The following PTPRG variants were observed in gnomAD, a reference collection of about 807,000 sequenced individuals.
The protein encoded by PTPRG is protein tyrosine phosphatase receptor type G, also known as receptor-type tyrosine-protein phosphatase gamma.
PTPRG carries 102 observed loss-of-function variants against 165.3 expected under a neutral mutation model. That is an observed-to-expected ratio of 0.62 (90% CI 0.53 to 0.73). The LOEUF (loss-of-function observed/expected upper bound fraction) is 0.73. PTPRG is among the 30% of genes least tolerant of loss of function. The pLI is 0.00. For synonymous variants in PTPRG, 675 were observed against 669.5 expected (o/e 1.01, Z -0.13); for missense variants, 1,866 against 1,861.4 (o/e 1.00, Z -0.05).
chr3:61,638,111 C>T (rs984341152), intron 1 of PTPRG, among the ~76,000 whole-genome samples: 12 of 152,160 alleles, frequency 7.9e-5, no homozygotes, highest in African/African-American at 2.7e-4. Flanking sequence ...TTTTCCAAAT[C>T]GTGGTACAAA....
chr3:62,206,807 C>T (rs1451060242), intron 12 of PTPRG, among the ~76,000 whole-genome samples: 1 of 150,476 alleles, frequency 6.6e-6, no homozygotes, highest in Non-Finnish European at 1.5e-5. Context: ...GCGGCTCATG[C>T]CTGTAGTCCA....
intron 5 of PTPRG, among the ~76,000 whole-genome samples, chr3:62,131,495 C>G (rs1406803061): frequency 3.3e-5 from 5 of 152,094 alleles, no homozygotes; most frequent in Non-Finnish European, 7.4e-5. Context: ...AGGGGTGGCT[C>G]TTGATTCCTC....
rs866721994 is a variant in PTPRG at position 62,279,492 on chromosome 3, A to G, written c.3765+1813A>G. Among the ~76,000 whole-genome samples, 7 of 152,208 alleles carry G rather than the reference A, an allele frequency of 4.6e-5. No individual in the cohort carries two copies. In the South Asian group the frequency reaches 8.3e-4, roughly 18 times the overall value. On this transcript the variant is annotated intron_variant, in intron 26 of 29. Coordinates refer to ENST00000474889, the MANE Select transcript of PTPRG (RefSeq NM_002841.4). ...TTATTCCCACTTTTCAGATCTGGAA[A>G]TTAAGGTTCAGATTAATTTACCCAG...
intron 2 of PTPRG, among the ~76,000 whole-genome samples, chr3:61,883,716 G>A (rs1468446595): frequency 6.6e-6 from 1 of 151,914 alleles, no homozygotes; most frequent in African/African-American, 2.4e-5. Context: ...TTTTTGGAAG[G>A]CAGGGTGGAG....
At chr3:61,913,581 C>T (rs946628037) in intron 2 of PTPRG, among the ~76,000 whole-genome samples, 1 of 152,156 alleles carries the variant, frequency 6.6e-6, no homozygotes, top group African/African-American at 2.4e-5. Flanking sequence ...TGTGTATGCA[C>T]TCATATGGAT....
intron 16 of PTPRG, chr3:62,261,935 G>C (rs1701712557): frequency 6.6e-6 from 1 of 152,134 alleles, no homozygotes; most frequent in African/African-American, 2.4e-5. Context: ...CATCTGTTCT[G>C]TGTAAAACAT....
rs561474960 is a variant in PTPRG at position 61,883,946 on chromosome 3, C to T, written c.191-105679C>T. Among the ~76,000 whole-genome samples the T allele has an allele frequency of 2.0e-5, 3 of 152,228 alleles. No individual in the cohort carries two copies. The East Asian group carries it at 5.8e-4, about 29-fold the overall frequency. ...GCTCAGGCTGTTCTTGAACTCCTGGCCTCAAGCAATCCTGCCACCTTGGCC... is the reference window on the plus strand; with the variant it reads ...GCTCAGGCTGTTCTTGAACTCCTGGTCTCAAGCAATCCTGCCACCTTGGCC... On this transcript the variant is annotated intron_variant, in intron 2 of 29. Transcript: ENST00000474889.
chr3:61,894,139 A>G (rs912485753), intron 2 of PTPRG, among the ~76,000 whole-genome samples: 10 of 151,998 alleles, frequency 6.6e-5, no homozygotes, highest in Non-Finnish European at 1.0e-4. Flanking sequence ...CCCCGTCTCT[A>G]CTAAAAATGC....
intron 9 of PTPRG, among the ~76,000 whole-genome samples, chr3:62,194,262 T>C (rs535193273): frequency 1.7e-4 from 26 of 152,334 alleles, no homozygotes; most frequent in East Asian, 9.7e-4. Flanking sequence ...CCAAGTGGCA[T>C]TCTTTCTGTT....
chr3:61,853,502 T>C (rs562755302), intron 2 of PTPRG, among the ~76,000 whole-genome samples: 170 of 152,346 alleles, frequency 1.1e-3, no homozygotes, highest in African/African-American at 3.8e-3. Flanking sequence ...GGCCATGTGA[T>C]TGAACCACTT....
chr3:61,913,452 C>G (rs190174817), intron 2 of PTPRG, among the ~76,000 whole-genome samples: 1 of 152,284 alleles, frequency 6.6e-6, no homozygotes, highest in East Asian at 1.9e-4. Flanking sequence ...ATCTCCTGAC[C>G]TCGTGATCCG....
intron 2 of PTPRG, among the ~76,000 whole-genome samples, chr3:61,837,223 T>C (rs1056502119): frequency 2.0e-5 from 3 of 152,220 alleles, no homozygotes; most frequent in Admixed American, 1.3e-4. Flanking sequence ...AATTTTTGTA[T>C]TTTTAGTAGA....
At chr3:62,265,733 G>T (rs1206095492) in intron 17 of PTPRG, among the ~76,000 whole-genome samples, 1 of 151,876 alleles carries the variant, frequency 6.6e-6, no homozygotes, top group Non-Finnish European at 1.5e-5. Flanking sequence ...GCTCAATCAA[G>T]GCTCACCACT....
At chr3:61,914,581 G>A (rs1337233704) in intron 2 of PTPRG, among the ~76,000 whole-genome samples, 1 of 152,126 alleles carries the variant, frequency 6.6e-6, no homozygotes, top group Non-Finnish European at 1.5e-5. Context: ...TAGTTAGAAC[G>A]GTCTTGGCCT....
rs78142350 is a variant in PTPRG at position 61,611,810 on chromosome 3, A to G, written c.85+49438A>G. Among the ~76,000 whole-genome samples the G allele has an allele frequency of 4.5e-3, 689 of 152,362 alleles. 4 individuals carry two copies. Among genetic ancestry groups the G allele is most frequent in the African/African-American group, 0.014 (577 of 41,584 alleles). On this transcript the variant is annotated intron_variant, in intron 1 of 29. Coordinates refer to ENST00000474889, the MANE Select transcript of PTPRG (RefSeq NM_002841.4). ...TTTATAGACTCTGAAGTTGAATTTC[A>G]TATCCTTTTCATGTGTCAGGAAATA...
At chr3:61,753,576 A>G (rs1343808039) in intron 2 of PTPRG, 1 of 433,402 alleles carries the variant, frequency 2.3e-6, no homozygotes, top group African/African-American at 2.2e-5. Context: ...TTCAAGTAGA[A>G]ATTTGAGGGT....
chr3:62,163,389 C>T (rs1285419071), intron 7 of PTPRG, among the ~76,000 whole-genome samples: 1 of 151,908 alleles, frequency 6.6e-6, no homozygotes, highest in Non-Finnish European at 1.5e-5. Flanking sequence ...ACATACCAGT[C>T]TCAGCACAAT....
chr3:62,109,000 T>C (rs1702573224), intron 5 of PTPRG, among the ~76,000 whole-genome samples: 1 of 151,928 alleles, frequency 6.6e-6, no homozygotes, highest in African/African-American at 2.4e-5. Flanking sequence ...AGGTTGCCTG[T>C]TCACCCTGAT....
intron 4 of PTPRG, among the ~76,000 whole-genome samples, chr3:62,051,160 C>CT (rs1700457282): frequency 6.6e-6 from 1 of 152,232 alleles, no homozygotes; most frequent in Admixed American, 6.5e-5. Flanking sequence ...ATTCTTCCCA[C>CT]TGGGACCATT....
Sources: gnomAD v4.1 joint callset for allele counts (sites outside exome capture counted in the v4.1 genomes callset) on GRCh38, gnomAD v4.1.1 for gene constraint, MANE v1.5 for transcripts, NCBI Gene and HGNC (gene_info 2026-07-23, HGNC 2026-07-21) for gene names.